The following TAFA1 variants were observed in gnomAD, a reference collection of about 807,000 sequenced individuals.
The protein encoded by TAFA1 is chemokine-like protein TAFA-1.
A neutral mutation model predicts 18.5 loss-of-function variants in TAFA1; 4 were observed. That is an observed-to-expected ratio of 0.22 (90% CI 0.11 to 0.49). TAFA1 has a LOEUF of 0.49. Among genes scored for constraint, TAFA1 ranks in the 20% least tolerant of loss-of-function variants. The pLI, the probability that TAFA1 is intolerant of heterozygous loss-of-function variation, is 0.98. For missense variants in TAFA1, 147 were observed against 169.0 expected (o/e 0.87, Z 0.72); for synonymous variants, 56 against 55.2 (o/e 1.01, Z -0.06).
Position 68,250,263 on chromosome 3 carries a change from C to A in TAFA1, c.119-167017C>A, listed in dbSNP as rs550243883. 1.1e-3 allele frequency among the ~76,000 whole-genome samples: 167 copies of A among 152,272 alleles called. 2 individuals are homozygous for A. Among genetic ancestry groups the A allele is most frequent in the South Asian group, 8.7e-3 (42 of 4,828 alleles). ...TATAATAGTATACCCTGCAGAGGTA[C>A]ACATGGCTGTTATTACTGTTTACGC... is the stretch of plus-strand genomic sequence containing the variant. On this transcript the variant is annotated intron_variant, in intron 2 of 4. Coordinates refer to ENST00000478136, the MANE Select transcript of TAFA1 (RefSeq NM_213609.4).
At chr3:68,370,470 GTGTATATATA>G (rs1166153855) in intron 2 of TAFA1, among the ~76,000 whole-genome samples, 525 of 31,140 alleles carry the variant, frequency 0.017, 31 homozygotes, top group African/African-American at 0.04. Flanking sequence ...GTGTGTGTGT[GTGTATATATA>G]TATATATATA....
chr3:68,504,835 A>G (rs1366167983), intron 3 of TAFA1, among the ~76,000 whole-genome samples: 2 of 152,164 alleles, frequency 1.3e-5, no homozygotes, highest in African/African-American at 4.8e-5. Flanking sequence ...TGGTACACAG[A>G]TGTACCATGA....
chr3:68,065,736 G>GTA (rs1411031830), intron 2 of TAFA1, among the ~76,000 whole-genome samples: 51 of 135,536 alleles, frequency 3.8e-4, no homozygotes, highest in African/African-American at 1.4e-3. Flanking sequence ...GTATGTGTGT[G>GTA]TGTGTATATA....
chr3:68,230,420 T>C (rs573312764), intron 2 of TAFA1, among the ~76,000 whole-genome samples: 1 of 152,290 alleles, frequency 6.6e-6, no homozygotes, highest in African/African-American at 2.4e-5. Context: ...TGTCCTCCAG[T>C]TCCATCCATG....
At chr3:68,273,696 A>C (rs2067722959) in intron 2 of TAFA1, among the ~76,000 whole-genome samples, 1 of 152,188 alleles carries the variant, frequency 6.6e-6, no homozygotes, top group Non-Finnish European at 1.5e-5. Context: ...TAAGAATGGA[A>C]GCTAGAAGAT....
chr3:68,248,519 T>G (rs1228781427), intron 2 of TAFA1, among the ~76,000 whole-genome samples: 2 of 151,890 alleles, frequency 1.3e-5, no homozygotes, highest in Non-Finnish European at 2.9e-5. Flanking sequence ...AGTAAACATG[T>G]TATTACAGTT....
intron 2 of TAFA1, among the ~76,000 whole-genome samples, chr3:68,355,707 A>T (rs986938676): frequency 6.6e-6 from 1 of 151,986 alleles, no homozygotes; most frequent in Non-Finnish European, 1.5e-5. Context: ...GCTCCAGGGA[A>T]AAATACAGGC....
chr3:68,031,899 T>C (rs867394305), intron 2 of TAFA1, among the ~76,000 whole-genome samples: 35 of 152,288 alleles, frequency 2.3e-4, no homozygotes, highest in Admixed American at 1.4e-3. Context: ...GCCAGAATCA[T>C]TGGGACGCGT....
At chr3:68,053,159 C>G (rs767684728) in intron 2 of TAFA1, among the ~76,000 whole-genome samples, 1 of 152,012 alleles carries the variant, frequency 6.6e-6, no homozygotes, top group Non-Finnish European at 1.5e-5. Context: ...ACGACTTTTT[C>G]TAACACTAGC....
chr3:68,226,950 G>A (rs908784621), intron 2 of TAFA1, among the ~76,000 whole-genome samples: 1 of 152,170 alleles, frequency 6.6e-6, no homozygotes, highest in African/African-American at 2.4e-5. Context: ...CAGTTCAGAG[G>A]AGTAAAGGGT....
intron 2 of TAFA1, among the ~76,000 whole-genome samples, chr3:68,069,980 G>C: frequency 6.6e-6 from 1 of 152,214 alleles, no homozygotes; most frequent in East Asian, 1.9e-4. Flanking sequence ...CTGGCATTGA[G>C]TGTCTATGGC....
chr3:68,424,084 A>C (rs1173019583), intron 3 of TAFA1, among the ~76,000 whole-genome samples: 2 of 152,062 alleles, frequency 1.3e-5, no homozygotes, highest in Admixed American at 6.6e-5. Flanking sequence ...CAAACAAATA[A>C]AAAAACCCTT....
intron 2 of TAFA1, among the ~76,000 whole-genome samples, chr3:68,173,002 T>A (rs1429138702): frequency 6.6e-6 from 1 of 152,096 alleles, no homozygotes; most frequent in African/African-American, 2.4e-5. Context: ...TTTTGCAACA[T>A]GAGGGTATTA....
intron 2 of TAFA1, among the ~76,000 whole-genome samples, chr3:68,013,050 A>G (rs1704503140): frequency 6.6e-6 from 1 of 152,108 alleles, no homozygotes; most frequent in Non-Finnish European, 1.5e-5. Flanking sequence ...CATCTACCAT[A>G]CCTATTCAGA....
chr3:68,453,461 G>T (rs2071601267), intron 3 of TAFA1, among the ~76,000 whole-genome samples: 1 of 152,198 alleles, frequency 6.6e-6, no homozygotes, highest in Admixed American at 6.5e-5. Context: ...CCCCAAATGA[G>T]GAGGATGGCA....
intron 2 of TAFA1, among the ~76,000 whole-genome samples, chr3:68,395,881 C>A (rs1357488712): frequency 1.3e-5 from 2 of 151,768 alleles, no homozygotes; most frequent in African/African-American, 4.8e-5. Context: ...GTGCAGCAAA[C>A]CACCATGGCA....
chr3:68,112,058 A>C (rs1330418737), intron 2 of TAFA1, among the ~76,000 whole-genome samples: 1 of 150,440 alleles, frequency 6.6e-6, no homozygotes, highest in African/African-American at 2.4e-5. Flanking sequence ...TTGGTATCAG[A>C]GTCACCAATG....
chr3:68,195,442 T>A (rs1559554732), intron 2 of TAFA1, among the ~76,000 whole-genome samples: 1 of 150,166 alleles, frequency 6.7e-6, no homozygotes, highest in Non-Finnish European at 1.5e-5. Flanking sequence ...AAATTCGACA[T>A]TATGACCATT....
chr3:68,496,560 A>G (rs573129054), intron 3 of TAFA1, among the ~76,000 whole-genome samples: 1 of 152,324 alleles, frequency 6.6e-6, no homozygotes, highest in South Asian at 2.1e-4. Context: ...GCCATCTTAG[A>G]TGTGTCCATC....
Sources: gnomAD v4.1 joint callset for allele counts (sites outside exome capture counted in the v4.1 genomes callset) on GRCh38, gnomAD v4.1.1 for gene constraint, MANE v1.5 for transcripts, NCBI Gene and HGNC (gene_info 2026-07-23, HGNC 2026-07-21) for gene names.